IMPG2: variants seen among roughly 807,000 people sequenced by gnomAD.
IMPG2 encodes the protein IPM 200.
In IMPG2, 91 loss-of-function variants were observed where a neutral mutation model predicts 129.2. The ratio of observed to expected loss-of-function variants is 0.70; its 90% CI spans 0.59 to 0.84. The LOEUF (loss-of-function observed/expected upper bound fraction) is 0.84. IMPG2 is among the 40% of genes least tolerant of loss of function. The pLI is 0.00. For synonymous variants in IMPG2, 510 were observed against 517.7 expected (o/e 0.99, Z 0.20); for missense variants, 1,430 against 1,461.7 (o/e 0.98, Z 0.35).
Position 101,245,844 on chromosome 3 carries a change from C to G in IMPG2, c.1501G>C (p.Ala501Pro). 1 of 1,614,200 alleles carries G rather than the reference C, an allele frequency of 6.2e-7. No homozygotes were observed. Among genetic ancestry groups the G allele is most frequent in the South Asian group, 1.1e-5 (1 of 91,090 alleles). The change falls in exon 12 of 19, where the codon GCT becomes CCT. Residue 501 changes from alanine to proline, a missense_variant. Physicochemically the swap from Ala to Pro is conservative, Grantham distance 27. Coordinates refer to ENST00000193391, the MANE Select transcript of IMPG2 (RefSeq NM_016247.4). ...PAVLQTGLPV[A>P]SEERTSGSHL... ...GATCCAGAAGTCCTTTCCTCAGAAGCCACAGGCAAGCCAGTCTGAAGCACT... is the reference window on the plus strand; with the variant it reads ...GATCCAGAAGTCCTTTCCTCAGAAGGCACAGGCAAGCCAGTCTGAAGCACT...
chr3:101,304,327 G>A lies in IMPG2; in HGVS notation c.335-15C>T, dbSNP rs1177989736. On this transcript the variant is annotated splice_polypyrimidine_tract_variant and intron_variant, in intron 2 of 18. Coordinates refer to ENST00000193391, the MANE Select transcript of IMPG2 (RefSeq NM_016247.4). ...TTCCTGACACACTAGAAAATAGAGA[G>A]GTGTTTTTTTACAAAAAGCTAACAT... The A allele has an allele frequency of 1.9e-6, 3 of 1,612,268 alleles. No individual in the cohort carries two copies. The highest frequency in any genetic ancestry group is 1.7e-5 in the Admixed American group (1 of 59,932).
chr3:101,247,772 A>G (rs980220165), intron 11 of IMPG2, among the ~76,000 whole-genome samples: 2 of 152,144 alleles, frequency 1.3e-5, no homozygotes, highest in African/African-American at 4.8e-5. Context: ...TCTGGGCATA[A>G]TATTCCAGCC....
At chr3:101,228,353 C>T (rs572915233) in intron 18 of IMPG2, among the ~76,000 whole-genome samples, 328 of 152,282 alleles carry the variant, frequency 2.2e-3, no homozygotes, top group Non-Finnish European at 3.6e-3. Flanking sequence ...CTTATGGCTA[C>T]TCAAATGTTC....
intron 17 of IMPG2, 60 bp downstream of exon 17, chr3:101,229,320 G>GCA: frequency 1.7e-5 from 9 of 519,338 alleles, no homozygotes; most frequent in East Asian, 5.2e-5. Context: ...ACCACCCCCT[G>GCA]CTCCCCCACA....
chr3:101,283,191 T>G (rs1706911602), intron 4 of IMPG2, among the ~76,000 whole-genome samples: 1 of 151,932 alleles, frequency 6.6e-6, no homozygotes. Flanking sequence ...CCTGGCTAAT[T>G]TTTTTTGTAT....
chr3:101,229,320 G>GGGCCC, intron 17 of IMPG2, 60 bp downstream of exon 17: 3 of 519,336 alleles, frequency 5.8e-6, no homozygotes, highest in Admixed American at 3.4e-5. Context: ...ACCACCCCCT[G>GGGCCC]CTCCCCCACA....
At chr3:101,232,356 G>A (rs1193404113) in intron 15 of IMPG2, among the ~76,000 whole-genome samples, 1 of 151,910 alleles carries the variant, frequency 6.6e-6, no homozygotes, top group Non-Finnish European at 1.5e-5. Flanking sequence ...TCCTGCCTTA[G>A]CCTCACAAGT....
At chr3:101,249,605 C>T (rs1325517378) in intron 11 of IMPG2, among the ~76,000 whole-genome samples, 1 of 151,564 alleles carries the variant, frequency 6.6e-6, no homozygotes, top group African/African-American at 2.4e-5. Context: ...AGGAATTAGA[C>T]TGGAGTCTAA....
chr3:101,287,696 A>T (rs1322996001), intron 4 of IMPG2, among the ~76,000 whole-genome samples: 4 of 151,928 alleles, frequency 2.6e-5, no homozygotes, highest in Admixed American at 6.6e-5. Flanking sequence ...TATGTAGAAT[A>T]AAAAAAACTG....
Position 101,223,053 on chromosome 3 carries a change from A to T in IMPG2, c.*3916T>A, listed in dbSNP as rs1206771088. The stretch of plus-strand genomic sequence containing the variant: ...TTTAACCTGTCTCTTATTAACTCAT[A>T]GCAGTAATGTAAGGTTTTACAAAAT... On this transcript the variant is annotated 3_prime_UTR_variant, in exon 19 of 19. Transcript: ENST00000193391. 1 of 152,228 alleles carries T rather than the reference A, an allele frequency of 6.6e-6. No individual in the cohort carries two copies. The highest frequency in any genetic ancestry group is 1.5e-5 in the Non-Finnish European group (1 of 68,034). 9.4% of individuals were successfully genotyped at this position (152,228 alleles called of 1,614,324 possible).
chr3:101,304,792 G>A (rs1384952003), intron 2 of IMPG2, among the ~76,000 whole-genome samples: 1 of 151,610 alleles, frequency 6.6e-6, no homozygotes, highest in Non-Finnish European at 1.5e-5. Context: ...GAGCTTTTTG[G>A]CTAAATGCAG....
chr3:101,256,983 A>T (rs1706617403), intron 10 of IMPG2, among the ~76,000 whole-genome samples: 1 of 152,028 alleles, frequency 6.6e-6, no homozygotes, highest in African/African-American at 2.4e-5. Context: ...CTTCTTCATG[A>T]TCTGTCATAT....
intron 3 of IMPG2, among the ~76,000 whole-genome samples, chr3:101,297,908 ATT>A: frequency 1.3e-5 from 2 of 152,372 alleles, no homozygotes; most frequent in Middle Eastern, 6.8e-3. Flanking sequence ...GTAGATAACT[ATT>A]AGGTCCACTT....
rs746310179 is a variant in IMPG2, at chr3:101,231,165, A to G, written c.3234-20T>C. On this transcript the variant is annotated intron_variant, in intron 15 of 18. Coordinates refer to ENST00000193391, the MANE Select transcript of IMPG2 (RefSeq NM_016247.4). ...CGGCACCTGCAACCAACAGTCACCA[A>G]GTCCGATATCTGAATCACTCTGCTC... The G allele has an allele frequency of 2.5e-6, 4 of 1,612,800 alleles. No homozygotes were observed. The highest frequency in any genetic ancestry group is 3.4e-6 in the Non-Finnish European group (4 of 1,179,064).
intron 9 of IMPG2, among the ~76,000 whole-genome samples, chr3:101,262,662 T>C (rs1706682307): frequency 6.6e-6 from 1 of 150,810 alleles, no homozygotes; most frequent in African/African-American, 2.4e-5. Context: ...ACAAAACAAC[T>C]AGAAAACAAA....
At position 101,291,499 on chromosome 3, in the gene IMPG2, A is replaced by G; in HGVS notation, c.513T>C (p.Tyr171=). The G allele has an allele frequency of 1.9e-6, 3 of 1,613,174 alleles. No individual in the cohort carries two copies. The highest frequency in any genetic ancestry group is 1.3e-5 in the African/African-American group (1 of 75,036). The change falls in exon 4 of 19, where the codon TAT becomes TAC. Residue 171 remains tyrosine (Y), a synonymous_variant. Transcript: ENST00000193391. The stretch of plus-strand genomic sequence containing the variant: ...CTCACCTGCTTACAGTTTCCTTTGC[A>G]TAAGTCAGTTTCTAAGGAAAACAAA... ...HRSLIMKKLT[Y]AKETVSSSEL...
At chr3:101,229,120 G>A (rs1030390278) in intron 17 of IMPG2, among the ~76,000 whole-genome samples, 23 of 139,540 alleles carry the variant, frequency 1.6e-4, no homozygotes, top group Admixed American at 8.9e-4. Context: ...AGGAAGGAGA[G>A]AGTACCAGTT....
chr3:101,224,580 C>A lies in IMPG2; in HGVS notation c.*2389G>T, dbSNP rs1309118844. On this transcript the variant is annotated 3_prime_UTR_variant, in exon 19 of 19. Transcript: ENST00000193391. ...GAGGAAGGTCTTTTAGAAAGAAGCT[C>A]TTTAGGGGTAGTTTTTTCCATCAAA... 1 of 152,176 alleles carries A rather than the reference C, an allele frequency of 6.6e-6. No homozygotes were observed. The highest frequency in any genetic ancestry group is 1.5e-5 in the Non-Finnish European group (1 of 68,034). The allele number at this position is 152,176 out of a possible 1,614,324, so 9.4% of individuals were successfully genotyped here. A position where few individuals can be genotyped will look rare whatever the true frequency, so the allele number is the denominator to read the frequency against.
chr3:101,319,666 C>A lies in IMPG2; in HGVS notation c.252G>T (p.Leu84=), dbSNP rs2058801740. The change falls in exon 2 of 19, where the codon CTG becomes CTT. Residue 84 remains leucine (L), a synonymous_variant. Coordinates refer to ENST00000193391, the MANE Select transcript of IMPG2 (RefSeq NM_016247.4). ...GGCAGATTTTCACTCCATTAGGAAACAGAATAGATCTCCGCCTTCTGATTA... is the reference window on the plus strand; with the variant it reads ...GGCAGATTTTCACTCCATTAGGAAAAAGAATAGATCTCCGCCTTCTGATTA... ...QWLIRRRRSI[L]FPNGVKICPD... is the part of the protein sequence containing the mutation. 1 of 1,613,736 alleles carries A rather than the reference C, an allele frequency of 6.2e-7. No individual in the cohort carries two copies. Among genetic ancestry groups the A allele is most frequent in the South Asian group, 1.1e-5 (1 of 91,084 alleles).
Sources: gnomAD v4.1 joint callset for allele counts (sites outside exome capture counted in the v4.1 genomes callset) on GRCh38, gnomAD v4.1.1 for gene constraint, MANE v1.5 for transcripts, NCBI Gene and HGNC (gene_info 2026-07-23, HGNC 2026-07-21) for gene names.